GRM7: variants seen among roughly 807,000 people sequenced by gnomAD.
GRM7 encodes glutamate metabotropic receptor 7, also known as metabotropic glutamate receptor 7.
GRM7 carries 35 observed loss-of-function variants against 84.5 expected under a neutral mutation model. That is an observed-to-expected ratio of 0.41 (90% CI 0.32 to 0.55). The LOEUF is 0.55. Ranked by LOEUF, GRM7 falls within the 20% of genes least tolerant of loss-of-function variation. GRM7 has a pLI of 0.19. For missense variants in GRM7, 1,003 were observed against 1,194.6 expected (o/e 0.84, Z 2.36); for synonymous variants, 487 against 455.1 (o/e 1.07, Z -0.89).
chr3:7,630,663 G>A (rs917337405), intron 8 of GRM7, among the ~76,000 whole-genome samples: 1 of 152,126 alleles, frequency 6.6e-6, no homozygotes, highest in South Asian at 2.1e-4. Flanking sequence ...AGCATTTAAC[G>A]TTATCAGCAA....
At position 7,018,062 on chromosome 3, in the gene GRM7, A is replaced by G. The variant is rs1695640660; in HGVS notation, c.520-128390A>G. 2.0e-5 allele frequency among the ~76,000 whole-genome samples: 3 copies of G among 152,238 alleles called. No individual in the cohort carries two copies. The South Asian group carries it at 6.2e-4, about 31-fold the overall frequency. On this transcript the variant is annotated intron_variant, in intron 1 of 9. Coordinates refer to ENST00000357716, the MANE Select transcript of GRM7 (RefSeq NM_000844.4). ...AAATGTGAACCATTGATCTAATTTT[A>G]AATTTCTAGTAACCATGATAAGAAA...
chr3:7,293,686 AAACT>A (rs1174105456), intron 2 of GRM7, among the ~76,000 whole-genome samples: 7 of 152,194 alleles, frequency 4.6e-5, no homozygotes, highest in South Asian at 2.1e-4. Context: ...ACTGAGAAAT[AAACT>A]AACTGATATT....
intron 1 of GRM7, among the ~76,000 whole-genome samples, chr3:7,123,666 A>G (rs1693300466): frequency 6.6e-6 from 1 of 152,064 alleles, no homozygotes; most frequent in East Asian, 1.9e-4. Flanking sequence ...AATGCACTAC[A>G]TCAGAGATTA....
intron 7 of GRM7, among the ~76,000 whole-genome samples, chr3:7,577,211 T>G (rs977152602): frequency 1.3e-5 from 2 of 152,220 alleles, no homozygotes; most frequent in African/African-American, 4.8e-5. Flanking sequence ...TATCAGTAGT[T>G]GACTAACATG....
chr3:7,414,530 C>T (rs908145909), intron 4 of GRM7, among the ~76,000 whole-genome samples: 29 of 152,138 alleles, frequency 1.9e-4, no homozygotes, highest in African/African-American at 7.0e-4. Flanking sequence ...TCCTGGCGTC[C>T]TCGTCCCTGC....
chr3:7,536,824 G>C (rs190933082), intron 7 of GRM7, among the ~76,000 whole-genome samples: 3 of 152,164 alleles, frequency 2.0e-5, no homozygotes, highest in African/African-American at 7.2e-5. Context: ...TCTCATGAGA[G>C]AATTTGAGAT....
chr3:7,259,712 A>C (rs142224773), intron 2 of GRM7, among the ~76,000 whole-genome samples: 1,677 of 152,232 alleles, frequency 0.011, 34 homozygotes, highest in African/African-American at 0.039. Context: ...AGTTGATTCC[A>C]TGTCTTTGCT....
At chr3:7,242,066 A>G (rs1042633717) in intron 2 of GRM7, among the ~76,000 whole-genome samples, 8 of 152,184 alleles carry the variant, frequency 5.3e-5, no homozygotes, top group African/African-American at 1.9e-4. Flanking sequence ...ACTGTTAACC[A>G]CCAACTGAGG....
intron 4 of GRM7, among the ~76,000 whole-genome samples, chr3:7,348,740 A>T (rs1693002200): frequency 6.6e-6 from 1 of 152,118 alleles, no homozygotes; most frequent in South Asian, 2.1e-4. Context: ...GCTACATCTC[A>T]GATCTACTGA....
intron 8 of GRM7, among the ~76,000 whole-genome samples, chr3:7,645,800 C>T (rs537018352): frequency 2.0e-5 from 3 of 152,146 alleles, no homozygotes; most frequent in Non-Finnish European, 4.4e-5. Flanking sequence ...TTAGCCCCCA[C>T]AGGTGGTCAT....
At chr3:7,696,357 T>C (rs162775) in intron 9 of GRM7, among the ~76,000 whole-genome samples, 9,873 of 152,258 alleles carry the variant, frequency 0.065, 430 homozygotes, top group African/African-American at 0.12. Context: ...ATTCATTCTA[T>C]AGTTGAACCT....
chr3:7,118,464 G>A (rs1243639138), intron 1 of GRM7, among the ~76,000 whole-genome samples: 1 of 149,546 alleles, frequency 6.7e-6, no homozygotes, highest in Non-Finnish European at 1.5e-5. Flanking sequence ...CCTTTTTAGA[G>A]AAAGAATAAA....
At chr3:7,493,857 T>A (rs1699608889) in intron 7 of GRM7, among the ~76,000 whole-genome samples, 1 of 152,088 alleles carries the variant, frequency 6.6e-6, no homozygotes, top group Non-Finnish European at 1.5e-5. Context: ...ATAGTTGTTC[T>A]GGGTATTAAA....
intron 1 of GRM7, among the ~76,000 whole-genome samples, chr3:7,138,641 A>G (rs1693846498): frequency 6.6e-6 from 1 of 151,936 alleles, no homozygotes; most frequent in South Asian, 2.1e-4. Context: ...GCAAATGACT[A>G]AAGATTGAAA....
At chr3:7,475,120 A>C (rs1252209153) in intron 7 of GRM7, among the ~76,000 whole-genome samples, 3 of 152,216 alleles carry the variant, frequency 2.0e-5, no homozygotes, top group Non-Finnish European at 4.4e-5. Flanking sequence ...AAGAAGTAAC[A>C]AGCTTTGAAC....
chr3:7,287,740 A>T (rs1444911081), intron 2 of GRM7, among the ~76,000 whole-genome samples: 1 of 152,126 alleles, frequency 6.6e-6, no homozygotes, highest in Non-Finnish European at 1.5e-5. Flanking sequence ...ACAATGATAA[A>T]TCTCAAATTT....
chr3:7,735,750 C>T (rs1158836071), intron 9 of GRM7, among the ~76,000 whole-genome samples: 1 of 152,164 alleles, frequency 6.6e-6, no homozygotes, highest in Non-Finnish European at 1.5e-5. Flanking sequence ...TCCTTAATAT[C>T]TTACACCTGG....
At chr3:7,293,548 C>A (rs1699711043) in intron 2 of GRM7, among the ~76,000 whole-genome samples, 1 of 152,144 alleles carries the variant, frequency 6.6e-6, no homozygotes, top group Non-Finnish European at 1.5e-5. Context: ...TCCAGTTCTC[C>A]CTACTTGTTC....
intron 7 of GRM7, among the ~76,000 whole-genome samples, chr3:7,520,512 TAAAA>T (rs3065597): frequency 5.4e-5 from 8 of 148,868 alleles, no homozygotes; most frequent in Non-Finnish European, 4.5e-5. Flanking sequence ...CTGAAAAAAA[TAAAA>T]AAAAAAACAC....
Sources: allele counts gnomAD v4.1 joint callset (sites outside exome capture counted in the v4.1 genomes callset), GRCh38; gene constraint gnomAD v4.1.1; transcripts MANE v1.5; gene names NCBI Gene and HGNC (gene_info 2026-07-23, HGNC 2026-07-21).